KANSL3: variants seen among roughly 807,000 people sequenced by gnomAD.
KANSL3 encodes NSL complex protein NSL3.
In KANSL3, 16 loss-of-function variants were observed where a neutral mutation model predicts 89.2. The observed-to-expected ratio is 0.18, with a 90% confidence interval of 0.12 to 0.27. KANSL3 has a LOEUF of 0.27. Ranked by LOEUF, KANSL3 falls within the 10% of genes least tolerant of loss-of-function variation. The pLI is 1.00. For missense variants in KANSL3, 879 were observed against 1,110.6 expected, an observed-to-expected ratio of 0.79 and a Z score of 2.96; for synonymous variants, 385 against 419.7, an observed-to-expected ratio of 0.92 and a Z score of 1.01.
chr2:96,596,130 G>A (rs2066506509), intron 20 of KANSL3, among the ~76,000 whole-genome samples: 1 of 152,206 alleles, frequency 6.6e-6, no homozygotes, highest in Non-Finnish European at 1.5e-5. Flanking sequence ...GGTGTGGGGG[G>A]ATGCCATCAA....
In KANSL3 at chr2:96,604,339, G is replaced by A. The variant is rs1187405406; in HGVS notation, c.2060C>T (p.Pro687Leu). The change falls in exon 17 of 21, where the codon CCT becomes CTT. Residue 687 changes from proline (P) to leucine (L), a missense_variant. By Grantham distance (98) the Pro-to-Leu change is moderately conservative. Coordinates refer to ENST00000431828, the MANE Select transcript of KANSL3 (RefSeq NM_001115016.3). Reference sequence around the variant, plus strand: ...TGCAGTGCTGCTGGAGACCACTGAAGGGACTGGGCTGGCTGAGACTCCACC... The same window carrying A: ...TGCAGTGCTGCTGGAGACCACTGAAAGGACTGGGCTGGCTGAGACTCCACC... ...SEGGVSASPV[P>L]SVVSSSTAPS... 6.8e-6 allele frequency: 11 copies of A among 1,613,164 alleles called. No individual in the cohort carries two copies. The highest frequency in any genetic ancestry group is 2.2e-5 in the East Asian group (1 of 44,890).
chr2:96,635,870 G>A (rs7569178), intron 2 of KANSL3, among the ~76,000 whole-genome samples: 3,922 of 151,934 alleles, frequency 0.026, 169 homozygotes, highest in African/African-American at 0.087. Flanking sequence ...GGCACACGCC[G>A]GTAGTCCCAG....
At chr2:96,582,350 A>G in the KANSL3 span, among the ~76,000 whole-genome samples, 1 of 152,114 alleles carries the variant, frequency 6.6e-6, no homozygotes, top group African/African-American at 2.4e-5. Context: ...ATGAGTGGAG[A>G]TAGTGCCACT....
At chr2:96,584,182 G>A in the KANSL3 span, among the ~76,000 whole-genome samples, 1 of 152,054 alleles carries the variant, frequency 6.6e-6, no homozygotes, top group Non-Finnish European at 1.5e-5. Flanking sequence ...TATTTTTAGA[G>A]ACGCTCTTGC....
At position 96,608,590 on chromosome 2, in the gene KANSL3, C is replaced by A. The variant is rs749048580; in HGVS notation, c.1659G>T (p.Lys553Asn). ...TKVTTVTSAQ[K>N]SSQIGSSQLL... The stretch of plus-strand genomic sequence containing the variant: ...GCTGAGAACTTCCAATCTGACTGGA[C>A]TTCTGGGCAGAGGTCACTGTGGTCA... Residue 553 changes from lysine (K) to asparagine (N), a missense_variant, in exon 14 of 21, where the codon AAG becomes AAT. Lys to Asn is a moderately conservative substitution (Grantham distance 94). Around this residue, in one of 6 missense-constraint regions of KANSL3, gnomAD observed 317 missense variants for 311.2 expected, o/e 1.02. Coordinates refer to ENST00000431828, the MANE Select transcript of KANSL3 (RefSeq NM_001115016.3). 5.6e-6 allele frequency: 9 copies of A among 1,614,024 alleles called. No homozygotes were observed. The Admixed American group carries it at 8.3e-5, about 15-fold the overall frequency.
rs575202871 is a variant in KANSL3 at position 96,617,423 on chromosome 2, C to A, written c.663+1936G>T. On this transcript the variant is annotated intron_variant, in intron 5 of 20. Coordinates refer to ENST00000431828, the MANE Select transcript of KANSL3 (RefSeq NM_001115016.3). ...TAAACCAGTCTTCTAACAAACTTGG[C>A]ACCCTTTAACTTAAAAACACATAAG... 5.3e-5 allele frequency among the ~76,000 whole-genome samples: 8 copies of A among 152,206 alleles called. No individual in the cohort carries two copies. In the South Asian group the frequency reaches 1.7e-3, roughly 32 times the overall value.
chr2:96,633,894 C>A (rs1269322896), intron 2 of KANSL3, among the ~76,000 whole-genome samples: 1 of 152,078 alleles, frequency 6.6e-6, no homozygotes, highest in African/African-American at 2.4e-5. Context: ...AAATTCAGTT[C>A]CGTAGTGACG....
Position 96,612,318 on chromosome 2 carries a change from C to G in KANSL3, c.1050G>C (p.Leu350Phe). 1 of 1,613,764 alleles carries G rather than the reference C, an allele frequency of 6.2e-7. No individual in the cohort carries two copies. The highest frequency in any genetic ancestry group is 8.5e-7 in the Non-Finnish European group (1 of 1,179,762). Reference sequence around the variant, plus strand: ...CCAAAGCTCCTGTGTTCCAGCCAATCAAGATAATGGGTTTGTGTGGGAAAT... The same window carrying G: ...CCAAAGCTCCTGTGTTCCAGCCAATGAAGATAATGGGTTTGTGTGGGAAAT... Reference protein sequence around the residue: ...HSHFPHKPIILIGWNTGALVA... With the variant: ...HSHFPHKPIIFIGWNTGALVA... Residue 350 changes from leucine to phenylalanine, a missense_variant, in exon 9 of 21, where the codon TTG becomes TTC. Leu to Phe is a conservative substitution (Grantham distance 22, BLOSUM62 0). Around this residue, in one of 6 missense-constraint regions of KANSL3, gnomAD observed 198 missense variants for 260.3 expected, o/e 0.76. Transcript: ENST00000431828.
Position 96,619,343 on chromosome 2 carries a change from C to T in KANSL3, c.663+16G>A, listed in dbSNP as rs1229063449. On this transcript the variant is annotated intron_variant, in intron 5 of 20. Transcript: ENST00000431828. ...GGCTATCCCTAGGACAGGGCAGACC[C>T]CAATCACAGCCTTACCTTCCCCTTC... 1 of 1,602,334 alleles carries T rather than the reference C, an allele frequency of 6.2e-7. No individual in the cohort carries two copies. Among genetic ancestry groups the T allele is most frequent in the Non-Finnish European group, 8.5e-7 (1 of 1,173,524 alleles).
intron 14 of KANSL3, 53 bp downstream of exon 14, chr2:96,608,454 GA>G: frequency 6.3e-7 from 1 of 1,584,360 alleles, no homozygotes; most frequent in Non-Finnish European, 8.7e-7. Context: ...ACTGCCATGT[GA>G]CATGAACTAC....
chr2:96,624,117 C>T (rs2071846024), intron 3 of KANSL3, among the ~76,000 whole-genome samples: 1 of 152,236 alleles, frequency 6.6e-6, no homozygotes. Context: ...GGGATGAAAG[C>T]CTCAACTCAA....
At chr2:96,628,161 C>G in intron 3 of KANSL3, 1 of 1,288,470 alleles carries the variant, frequency 7.8e-7, no homozygotes, top group Non-Finnish European at 1.0e-6. Context: ...GCACACTGGC[C>G]TATTCCGTGG....
intron 5 of KANSL3, among the ~76,000 whole-genome samples, chr2:96,617,299 T>C (rs1325888542): frequency 6.6e-6 from 1 of 152,118 alleles, no homozygotes; most frequent in Non-Finnish European, 1.5e-5. Flanking sequence ...CTGACACACG[T>C]AGGGCCCAAA....
At chr2:96,613,808 T>C (rs796569174) in intron 5 of KANSL3, among the ~76,000 whole-genome samples, 189 bp from the exon 6 acceptor site, 1 of 149,290 alleles carries the variant, frequency 6.7e-6, no homozygotes, top group Non-Finnish European at 1.5e-5. Flanking sequence ...CCATGAAAAG[T>C]GAATGTGTAC....
chr2:96,591,436 T>C (rs1044683313), downstream of KANSL3, among the ~76,000 whole-genome samples: 1 of 152,180 alleles, frequency 6.6e-6, no homozygotes, highest in African/African-American at 2.4e-5. Context: ...TAAAATGACA[T>C]AGAACTATAC....
chr2:96,618,645 CTAATT>C, intron 5 of KANSL3, among the ~76,000 whole-genome samples: 1 of 152,288 alleles, frequency 6.6e-6, no homozygotes, highest in East Asian at 1.9e-4. Context: ...CCTGAATTAA[CTAATT>C]TAATTTTCAT....
Position 96,608,898 on chromosome 2 carries a change from G to A in KANSL3, c.1550C>T (p.Ala517Val). 1.3e-6 allele frequency: 2 copies of A among 1,578,176 alleles called. No homozygotes were observed. The highest frequency in any genetic ancestry group is 2.3e-5 in the South Asian group (2 of 86,400). The change falls in exon 13 of 21, where the codon GCT (alanine) becomes GTT (valine). Residue 517 changes from alanine to valine, a missense_variant. Around this residue, in one of 6 missense-constraint regions of KANSL3, gnomAD observed 317 missense variants for 311.2 expected, o/e 1.02. Transcript: ENST00000431828. The stretch of plus-strand genomic sequence containing the variant: ...TGAGGGTGAGGCGGGCAGCTTGGCA[G>A]CTGGGGAGGCAGGTCGACTGCCCCG... ...PERGSRPASP[A>V]AKLPASPSGS... is the part of the protein sequence containing the mutation.
rs1274611436 is a variant in KANSL3, at chr2:96,605,448, C to T, written c.1805G>A (p.Arg602Gln). 4 of 1,613,942 alleles carry T rather than the reference C, an allele frequency of 2.5e-6. No homozygotes were observed. Among genetic ancestry groups the T allele is most frequent in the East Asian group, 2.2e-5 (1 of 44,888 alleles). ...EKEDLRVQLKRHHPSSPLPGS... is the reference protein window; with the variant it reads ...EKEDLRVQLKQHHPSSPLPGS... ...AGGAAGGGGACTCGAGGGATGGTGT[C>T]GCTTCAGCTGAACCCTAAGATCCTC... The change falls in exon 15 of 21, where the codon CGA becomes CAA. Residue 602 changes from arginine to glutamine, a missense_variant. This residue lies in a region of KANSL3 where 317 missense variants were observed against 311.2 expected (regional missense o/e 1.02). Coordinates refer to ENST00000431828, the MANE Select transcript of KANSL3 (RefSeq NM_001115016.3).
intron 15 of KANSL3, 67 bp downstream of exon 15, chr2:96,605,253 C>T (rs2067802913): frequency 7.3e-7 from 1 of 1,373,120 alleles, no homozygotes; most frequent in South Asian, 1.4e-5. Flanking sequence ...GGTGAATGGC[C>T]ACCAAAGGGC....
Sources: allele counts gnomAD v4.1 joint callset (sites outside exome capture counted in the v4.1 genomes callset), GRCh38; gene constraint gnomAD v4.1.1; regional missense constraint gnomAD v4.1.1; transcripts MANE v1.5; gene names NCBI Gene and HGNC (gene_info 2026-07-23, HGNC 2026-07-21).